The following THEMIS variants were observed in gnomAD, a reference collection of about 807,000 sequenced individuals.
THEMIS encodes the protein protein THEMIS.
THEMIS carries 37 observed loss-of-function variants against 52.6 expected under a neutral mutation model. The observed-to-expected ratio is 0.70, with a 90% CI of 0.54 to 0.93. The LOEUF (loss-of-function observed/expected upper bound fraction) is 0.93, where lower values mean the gene tolerates loss of function less well. Ranked by LOEUF, THEMIS falls within the 40% of genes least tolerant of loss-of-function variation. The pLI is 0.00. For synonymous variants in THEMIS, 292 were observed against 272.7 expected, an observed-to-expected ratio of 1.07 and a Z score of -0.70; for missense variants, 808 against 763.1, an observed-to-expected ratio of 1.06 and a Z score of -0.69.
At chr6:127,769,412 T>C (rs931603964) in intron 4 of THEMIS, among the ~76,000 whole-genome samples, 4 of 151,304 alleles carry the variant, frequency 2.6e-5, no homozygotes, top group African/African-American at 9.7e-5. Context: ...TCCTACAATA[T>C]GTTCTTTGCT....
At chr6:127,808,483 A>T (rs74603295) in intron 4 of THEMIS, among the ~76,000 whole-genome samples, 1,729 of 152,296 alleles carry the variant, frequency 0.011, 21 homozygotes, top group African/African-American at 0.038. Flanking sequence ...CATCAGATTA[A>T]AATTCAGATG....
At chr6:127,776,940 T>G (rs1776585424) in intron 4 of THEMIS, among the ~76,000 whole-genome samples, 1 of 152,178 alleles carries the variant, frequency 6.6e-6, no homozygotes, top group Non-Finnish European at 1.5e-5. Flanking sequence ...CTGGTAATAT[T>G]CCTTGCCCTA....
chr6:127,846,789 G>A (rs1779229656), intron 2 of THEMIS, among the ~76,000 whole-genome samples: 1 of 151,718 alleles, frequency 6.6e-6, no homozygotes, highest in African/African-American at 2.4e-5. Context: ...AACATTCTAT[G>A]TAGCCAGTAT....
chr6:127,730,141 C>T (rs1774714284), intron 4 of THEMIS, among the ~76,000 whole-genome samples: 1 of 151,670 alleles, frequency 6.6e-6, no homozygotes, highest in Non-Finnish European at 1.5e-5. Context: ...GTGGTGGGTG[C>T]CTGTAGTCCC....
intron 4 of THEMIS, among the ~76,000 whole-genome samples, chr6:127,732,785 A>G (rs573375936): frequency 2.2e-4 from 34 of 152,364 alleles, no homozygotes; most frequent in Middle Eastern, 3.4e-3. Context: ...AGCTGTTACA[A>G]ATAATGCTGT....
At chr6:127,855,004 T>C in intron 2 of THEMIS, 26 bp downstream of exon 2, 1 of 1,571,400 alleles carries the variant, frequency 6.4e-7, no homozygotes, top group Non-Finnish European at 8.6e-7. Flanking sequence ...GTTGTACAAA[T>C]GATAAGTGGT....
intron 2 of THEMIS, among the ~76,000 whole-genome samples, chr6:127,844,611 A>C (rs750841521): frequency 2.5e-4 from 38 of 152,032 alleles, no homozygotes; most frequent in Non-Finnish European, 1.3e-4. Context: ...TATGTTCTTC[A>C]TAAAAATGGT....
At chr6:127,894,647 A>G (rs1780909522) in intron 1 of THEMIS, among the ~76,000 whole-genome samples, 1 of 151,882 alleles carries the variant, frequency 6.6e-6, no homozygotes, top group African/African-American at 2.4e-5. Context: ...AGACTGAATC[A>G]GAAAAAATAA....
intron 1 of THEMIS, among the ~76,000 whole-genome samples, chr6:127,893,824 G>T (rs1780883997): frequency 6.6e-6 from 1 of 151,994 alleles, no homozygotes; most frequent in Admixed American, 6.6e-5. Flanking sequence ...GAGACAAAAG[G>T]CAGAAAGAGG....
In THEMIS at chr6:127,770,236, C is replaced by T. The variant is rs550772260; in HGVS notation, c.1758+42647G>A. ...ATGGCTGAACTAGTTTACAGTCCCA[C>T]CAACGGTGTAAAAGCATTCGTATTT... On this transcript the variant is annotated intron_variant, in intron 4 of 5. Transcript: ENST00000368248. Among the ~76,000 whole-genome samples the T allele has an allele frequency of 4.6e-5, 7 of 152,324 alleles. No homozygotes were observed. The South Asian group carries it at 1.2e-3, about 27-fold the overall frequency.
At chr6:127,790,160 A>T (rs538787912) in intron 4 of THEMIS, among the ~76,000 whole-genome samples, 66 of 152,348 alleles carry the variant, frequency 4.3e-4, no homozygotes, top group African/African-American at 1.5e-3. Flanking sequence ...CCTTAAGCTG[A>T]TAAGCAACTT....
chr6:127,894,405 TAAAC>T (rs1780901733), intron 1 of THEMIS, among the ~76,000 whole-genome samples: 1 of 151,622 alleles, frequency 6.6e-6, no homozygotes, highest in African/African-American at 2.4e-5. Context: ...GATCACTAAA[TAAAC>T]AAAATTAATA....
At chr6:127,727,409 T>C (rs1264694884) in intron 4 of THEMIS, among the ~76,000 whole-genome samples, 3 of 152,274 alleles carry the variant, frequency 2.0e-5, no homozygotes, top group East Asian at 3.9e-4. Context: ...TTTGAATTAG[T>C]GGACATATGA....
At chr6:127,885,699 TA>T (rs1430320301) in intron 1 of THEMIS, among the ~76,000 whole-genome samples, 3 of 152,070 alleles carry the variant, frequency 2.0e-5, no homozygotes, top group Non-Finnish European at 4.4e-5. Context: ...ATACAGTACT[TA>T]AAAATCTTAA....
At chr6:127,889,527 CAA>C (rs1215098786) in intron 1 of THEMIS, among the ~76,000 whole-genome samples, 3 of 152,000 alleles carry the variant, frequency 2.0e-5, no homozygotes, top group Admixed American at 6.6e-5. Context: ...CCACATATTC[CAA>C]AGAGTATTAC....
At chr6:127,888,105 C>T (rs915734964) in intron 1 of THEMIS, among the ~76,000 whole-genome samples, 1 of 151,934 alleles carries the variant, frequency 6.6e-6, no homozygotes. Context: ...AAAGTGTGAA[C>T]AAAGCTTTAA....
intron 2 of THEMIS, among the ~76,000 whole-genome samples, chr6:127,852,043 TA>T (rs139426502): frequency 3.0e-4 from 46 of 151,628 alleles, no homozygotes; most frequent in African/African-American, 1.0e-3. Flanking sequence ...AGTAAAAGAA[TA>T]AAAGATGAGA....
intron 4 of THEMIS, among the ~76,000 whole-genome samples, chr6:127,810,145 A>G (rs896500560): frequency 6.6e-6 from 1 of 152,016 alleles, no homozygotes; most frequent in Non-Finnish European, 1.5e-5. Flanking sequence ...CTAATAAAAC[A>G]CTTAGATCAT....
chr6:127,783,362 T>C (rs1277519483), intron 4 of THEMIS, among the ~76,000 whole-genome samples: 1 of 152,102 alleles, frequency 6.6e-6, no homozygotes, highest in Admixed American at 6.5e-5. Flanking sequence ...CCAAAACCAA[T>C]GGCAACAAAA....
Sources: allele counts gnomAD v4.1 joint callset (sites outside exome capture counted in the v4.1 genomes callset), GRCh38; gene constraint gnomAD v4.1.1; transcripts MANE v1.5; gene names NCBI Gene and HGNC (gene_info 2026-07-23, HGNC 2026-07-21).